Variants in CAPN9 observed in about 807,000 individuals in gnomAD.
CAPN9 encodes calpain-9.
CAPN9 carries 81 observed loss-of-function variants against 92.8 expected under a neutral mutation model. The observed-to-expected ratio is 0.87, with a 90% CI of 0.73 to 1.05. CAPN9 has a LOEUF of 1.05. Ranked by LOEUF, CAPN9 falls within the 50% of genes least tolerant of loss-of-function variation. The pLI, the probability that CAPN9 is intolerant of heterozygous loss-of-function variation, is 0.00. For missense variants in CAPN9, 848 were observed against 866.2 expected, an observed-to-expected ratio of 0.98 and a Z score of 0.26; for synonymous variants, 304 against 328.0, an observed-to-expected ratio of 0.93 and a Z score of 0.79.
At chr1:230,753,983 G>C (rs1440744139) in intron 1 of CAPN9, among the ~76,000 whole-genome samples, 1 of 152,016 alleles carries the variant, frequency 6.6e-6, no homozygotes, top group East Asian at 1.9e-4. Flanking sequence ...TTCTCTCCTG[G>C]TTTATGGTTT....
intron 4 of CAPN9, among the ~76,000 whole-genome samples, chr1:230,765,358 G>A (rs1402382143): frequency 6.6e-6 from 1 of 151,916 alleles, no homozygotes; most frequent in Non-Finnish European, 1.5e-5. Flanking sequence ...AGCAGTACTG[G>A]ATTATGAACC....
rs1667110828 is a variant in CAPN9, at chr1:230,780,163, C to T, written c.1115-16C>T. The T allele has an allele frequency of 5.0e-6, 8 of 1,606,634 alleles. 1 individual carries two copies. Among genetic ancestry groups the T allele is most frequent in the Middle Eastern group, 1.7e-4 (1 of 6,030 alleles). ...TTTTTAAAAGGGGAAAATAATCTAC[C>T]TCTCCCAAATGACAGATACCTTTTG... On this transcript the variant is annotated splice_polypyrimidine_tract_variant and intron_variant, in intron 9 of 19. Coordinates refer to ENST00000271971, the MANE Select transcript of CAPN9 (RefSeq NM_006615.3).
chr1:230,801,625 A>G lies in CAPN9; in HGVS notation c.*29A>G. 13 of 1,608,762 alleles carry G rather than the reference A, an allele frequency of 8.1e-6. No individual in the cohort carries two copies. Among genetic ancestry groups the G allele is most frequent in the Non-Finnish European group, 1.1e-5 (13 of 1,175,114 alleles). On this transcript the variant is annotated 3_prime_UTR_variant, in exon 20 of 20. Coordinates refer to ENST00000271971, the MANE Select transcript of CAPN9 (RefSeq NM_006615.3). ...TGCCTTGTAGAGATGCAGCCTGCCC[A>G]GCTGAATCTTGGCTTCTGGACCTTG...
At chr1:230,769,467 G>A (rs1052673540) in intron 6 of CAPN9, among the ~76,000 whole-genome samples, 10 of 152,148 alleles carry the variant, frequency 6.6e-5, no homozygotes, top group African/African-American at 2.2e-4. Flanking sequence ...CACAAAACTC[G>A]TTTAGCAGCT....
At chr1:230,780,823 T>C in intron 11 of CAPN9, 115 bp downstream of exon 11, 1 of 760,742 alleles carries the variant, frequency 1.3e-6, no homozygotes, top group Non-Finnish European at 2.3e-6. Context: ...CATGTGTACC[T>C]GAGAAACAAG....
Position 230,759,582 on chromosome 1 carries a change from C to A in CAPN9, c.354C>A (p.Pro118=). The A allele has an allele frequency of 1.2e-6, 2 of 1,610,244 alleles. No individual in the cohort carries two copies. Among genetic ancestry groups the A allele is most frequent in the Non-Finnish European group, 1.7e-6 (2 of 1,178,672 alleles). ...AAAAAGCACTGGCCAGAGTCATCCC[C>A]CAGGACCAAAGCTTTGGCCCTGGTT... ...LNQKALARVI[P]QDQSFGPGYA... is the part of the protein sequence containing the mutation. The change falls in exon 3 of 20, where the codon CCC becomes CCA. Residue 118 remains proline (P), a synonymous_variant. Coordinates refer to ENST00000271971, the MANE Select transcript of CAPN9 (RefSeq NM_006615.3).
intron 18 of CAPN9, 176 bp downstream of exon 18, chr1:230,795,455 G>C: frequency 5.4e-6 from 3 of 558,064 alleles, no homozygotes; most frequent in Non-Finnish European, 9.7e-6. Flanking sequence ...GAATGTGCCA[G>C]CCTCCCCTGC....
At chr1:230,795,416 C>A in intron 18 of CAPN9, 137 bp downstream of exon 18, 1 of 618,378 alleles carries the variant, frequency 1.6e-6, no homozygotes, top group Non-Finnish European at 2.9e-6. Context: ...TGTGTGGACC[C>A]ATGGGCCTGT....
chr1:230,758,275 G>A (rs754769361), intron 2 of CAPN9, among the ~76,000 whole-genome samples: 8 of 152,162 alleles, frequency 5.3e-5, no homozygotes, highest in Non-Finnish European at 7.3e-5. Context: ...TGGCCTGGCC[G>A]CCCTGAAGCT....
chr1:230,758,875 T>C (rs1235395145), intron 2 of CAPN9, among the ~76,000 whole-genome samples: 1 of 152,190 alleles, frequency 6.6e-6, no homozygotes, highest in East Asian at 1.9e-4. Flanking sequence ...AAGGAATGCC[T>C]CCAGGAGTCT....
intron 12 of CAPN9, among the ~76,000 whole-genome samples, chr1:230,787,119 T>C (rs935510205): frequency 2.0e-5 from 3 of 152,198 alleles, no homozygotes; most frequent in African/African-American, 7.2e-5. Context: ...AGCTTAGTGG[T>C]AGAAACAGAC....
At chr1:230,749,441 G>T (rs2102820091) in intron 1 of CAPN9, among the ~76,000 whole-genome samples, 1 of 152,334 alleles carries the variant, frequency 6.6e-6, no homozygotes, top group Non-Finnish European at 1.5e-5. Context: ...TCCGGCCTCG[G>T]CGCATGAACA....
In CAPN9 at chr1:230,767,714, G is replaced by C; in HGVS notation, c.705+5G>C. On this transcript the variant is annotated splice_donor_5th_base_variant and intron_variant, in intron 5 of 19. Coordinates refer to ENST00000271971, the MANE Select transcript of CAPN9 (RefSeq NM_006615.3). The stretch of plus-strand genomic sequence containing the variant: ...CTGCTGGGCTGCTTCATTGATGTAA[G>C]TTGCTCATGGGCTCCCATTCCAGGC... 6.2e-7 allele frequency: 1 copy of C among 1,611,374 alleles called. No individual in the cohort carries two copies. Among genetic ancestry groups the C allele is most frequent in the Non-Finnish European group, 8.5e-7 (1 of 1,179,014 alleles).
intron 11 of CAPN9, among the ~76,000 whole-genome samples, chr1:230,784,819 G>A (rs1363461898): frequency 6.6e-6 from 1 of 152,248 alleles, no homozygotes; most frequent in Non-Finnish European, 1.5e-5. Context: ...ACTGCCTAGT[G>A]GAACTGTGGG....
At position 230,779,117 on chromosome 1, in the gene CAPN9, C is replaced by G; in HGVS notation, c.1098C>G (p.Gly366=). ...GGGTTCGCGGCTCCACGGCTGGGGG[C>G]TGCCGCAATTTCCTGGGTAGGTAGG... The part of the protein sequence containing the change: ...GSWVRGSTAG[G]CRNFLDTFWT... Residue 366 remains glycine (G), a synonymous_variant, in exon 9 of 20, where the codon GGC becomes GGG. Coordinates refer to ENST00000271971, the MANE Select transcript of CAPN9 (RefSeq NM_006615.3). The G allele has an allele frequency of 6.2e-7, 1 of 1,612,428 alleles. No individual in the cohort carries two copies. The highest frequency in any genetic ancestry group is 8.5e-7 in the Non-Finnish European group (1 of 1,179,842).
At chr1:230,753,837 G>GATTC (rs1665021411) in intron 1 of CAPN9, among the ~76,000 whole-genome samples, 1 of 135,078 alleles carries the variant, frequency 7.4e-6, no homozygotes, top group Admixed American at 7.6e-5. Flanking sequence ...GACCGGCCCG[G>GATTC]CTTCCTCCCT....
At position 230,782,728 on chromosome 1, in the gene CAPN9, G is replaced by A. The variant is rs34241479; in HGVS notation, c.1481+2020G>A. Among the ~76,000 whole-genome samples, 749 of 152,234 alleles carry A rather than the reference G, an allele frequency of 4.9e-3. 7 individuals carry two copies. The highest frequency in any genetic ancestry group is 0.01 in the Middle Eastern group (3 of 294). On this transcript the variant is annotated intron_variant, in intron 11 of 19. Transcript: ENST00000271971. ...GTTAGGGATGCAGCTTCAAAAGGTGGTCTTTAGGCCAGGCACGGTGGCTCA... is the reference window on the plus strand; with the variant it reads ...GTTAGGGATGCAGCTTCAAAAGGTGATCTTTAGGCCAGGCACGGTGGCTCA...
In CAPN9 at chr1:230,785,918, C is replaced by T. The variant is rs192362646; in HGVS notation, c.1482-63C>T. On this transcript the variant is annotated intron_variant, in intron 11 of 19. Coordinates refer to ENST00000271971, the MANE Select transcript of CAPN9 (RefSeq NM_006615.3). ...CCTTCCCAGGCTCTGGGCTCTTCAGCTCTGCAGATCCCAATGGGAAGTTAA... is the reference window on the plus strand; with the variant it reads ...CCTTCCCAGGCTCTGGGCTCTTCAGTTCTGCAGATCCCAATGGGAAGTTAA... The T allele has an allele frequency of 2.7e-4, 405 of 1,479,656 alleles. 5 individuals are homozygous for T. In the East Asian group the frequency reaches 7.0e-3, roughly 25 times the overall value. 91.7% of individuals were successfully genotyped at this position (1,479,656 alleles called of 1,614,324 possible).
In CAPN9 at chr1:230,754,886, T is replaced by G. The variant is rs564817350; in HGVS notation, c.214-451T>G. ...TAAAGAAAGAAATGGAGAAGCTGGG[T>G]GGGTAGGGAGTATGTTTAGTCCAAG... On this transcript the variant is annotated intron_variant, in intron 1 of 19. Transcript: ENST00000271971. Among the ~76,000 whole-genome samples, 24 of 152,160 alleles carry G rather than the reference T, an allele frequency of 1.6e-4. No homozygotes were observed. The South Asian group carries it at 2.5e-3, about 16-fold the overall frequency.
Sources: gnomAD v4.1 joint callset for allele counts (sites outside exome capture counted in the v4.1 genomes callset) on GRCh38, gnomAD v4.1.1 for gene constraint, MANE v1.5 for transcripts, NCBI Gene and HGNC (gene_info 2026-07-23, HGNC 2026-07-21) for gene names.